The following TENM4 variants were observed in gnomAD, a reference collection of about 807,000 sequenced individuals.
The protein encoded by TENM4 is teneurin-4.
A neutral mutation model predicts 243.3 loss-of-function variants in TENM4; 82 were observed. That is an observed-to-expected ratio of 0.34 (90% CI 0.28 to 0.40). TENM4 has a LOEUF of 0.40. Ranked by LOEUF, TENM4 falls within the 10% of genes least tolerant of loss-of-function variation. TENM4 has a pLI of 1.00. For missense variants in TENM4, 3,138 were observed against 3,673.3 expected (o/e 0.85, Z 3.77); for synonymous variants, 1,412 against 1,456.3 (o/e 0.97, Z 0.69).
intron 3 of TENM4, among the ~76,000 whole-genome samples, chr11:79,200,373 T>G (rs1490696374): frequency 5.3e-5 from 8 of 152,198 alleles, no homozygotes; most frequent in Admixed American, 5.2e-4. Flanking sequence ...ATCTCCACTT[T>G]TAAAAGTCCA....
chr11:79,149,071 A>G (rs1392169192), intron 3 of TENM4, among the ~76,000 whole-genome samples: 1 of 152,194 alleles, frequency 6.6e-6, no homozygotes, highest in Non-Finnish European at 1.5e-5. Flanking sequence ...AGGATGGCTG[A>G]GAAAATGAGT....
chr11:78,751,770 T>A (rs948396), intron 19 of TENM4, among the ~76,000 whole-genome samples: 1 of 152,008 alleles, frequency 6.6e-6, no homozygotes, highest in African/African-American at 2.4e-5. Flanking sequence ...GCCCAGGAGA[T>A]GTCTCACGTT....
intron 1 of TENM4, among the ~76,000 whole-genome samples, chr11:79,307,606 C>A (rs1456406726): frequency 6.6e-6 from 1 of 152,158 alleles, no homozygotes; most frequent in African/African-American, 2.4e-5. Flanking sequence ...GAAGATGTGA[C>A]CCCAGCCCTG....
chr11:78,988,496 A>G (rs991987672), intron 6 of TENM4, among the ~76,000 whole-genome samples: 11 of 152,374 alleles, frequency 7.2e-5, no homozygotes, highest in African/African-American at 2.6e-4. Flanking sequence ...GGCCTATTTG[A>G]ATTCAATGGT....
At chr11:79,002,369 C>A (rs528070048) in intron 6 of TENM4, among the ~76,000 whole-genome samples, 1 of 152,224 alleles carries the variant, frequency 6.6e-6, no homozygotes, top group African/African-American at 2.4e-5. Context: ...TCCTGCTGCC[C>A]CTTCCCTGAT....
intron 6 of TENM4, among the ~76,000 whole-genome samples, chr11:78,939,644 CA>C (rs1005207869): frequency 2.0e-5 from 3 of 152,138 alleles, no homozygotes; most frequent in Admixed American, 6.5e-5. Context: ...GCAGCCTGTA[CA>C]AACTATTAGT....
At chr11:79,434,027 C>T (rs1167384249) in intron 1 of TENM4, among the ~76,000 whole-genome samples, 1 of 152,144 alleles carries the variant, frequency 6.6e-6, no homozygotes, top group Non-Finnish European at 1.5e-5. Flanking sequence ...GACTGGACTT[C>T]CCCCACTGGT....
Position 79,065,104 on chromosome 11 carries a change from T to C in TENM4, c.224-97A>G, listed in dbSNP as rs1056489659. 10 of 1,406,976 alleles carry C rather than the reference T, an allele frequency of 7.1e-6. No homozygotes were observed. The Admixed American group carries it at 3.2e-4, about 45-fold the overall frequency. The allele number at this position is 1,406,976 out of a possible 1,614,324, so 87.2% of individuals were successfully genotyped here. ...GGCCTTCTTACCCCAGGGCTCACTG[T>C]CGTTCTTTGAACTTGCTGTGGCATT... On this transcript the variant is annotated intron_variant, in intron 5 of 33. Coordinates refer to ENST00000278550, the MANE Select transcript of TENM4 (RefSeq NM_001098816.3).
At chr11:78,948,918 C>T (rs2136483679) in intron 6 of TENM4, among the ~76,000 whole-genome samples, 1 of 152,252 alleles carries the variant, frequency 6.6e-6, no homozygotes, top group South Asian at 2.1e-4. Context: ...ATGTTTTTGG[C>T]AAGTGTACCT....
chr11:79,242,478 G>A (rs935891212), intron 2 of TENM4, among the ~76,000 whole-genome samples: 6 of 152,192 alleles, frequency 3.9e-5, no homozygotes, highest in Admixed American at 2.0e-4. Context: ...TTGTGTGTGT[G>A]TTTTTCCTTC....
At chr11:78,973,273 G>A (rs911052548) in intron 6 of TENM4, among the ~76,000 whole-genome samples, 1 of 152,208 alleles carries the variant, frequency 6.6e-6, no homozygotes, top group African/African-American at 2.4e-5. Context: ...AAGTGGCTAT[G>A]TCATTTTAAA....
chr11:78,674,256 C>G (rs139102267), intron 30 of TENM4, among the ~76,000 whole-genome samples: 3 of 152,170 alleles, frequency 2.0e-5, no homozygotes, highest in African/African-American at 7.2e-5. Context: ...TAAAAAAGTT[C>G]CCAGTTGTAT....
At chr11:78,704,685 G>A (rs1035032321) in intron 27 of TENM4, among the ~76,000 whole-genome samples, 1 of 152,168 alleles carries the variant, frequency 6.6e-6, no homozygotes, top group African/African-American at 2.4e-5. Context: ...AGTGCTTGAG[G>A]GATGGCATAT....
intron 19 of TENM4, among the ~76,000 whole-genome samples, chr11:78,748,114 C>G (rs1565361765): frequency 1.3e-5 from 2 of 152,146 alleles, no homozygotes; most frequent in Admixed American, 1.3e-4. Context: ...CATTTTTCTC[C>G]CAGTTCTCAG....
At chr11:79,030,763 C>T (rs768809753) in intron 6 of TENM4, among the ~76,000 whole-genome samples, 4 of 152,142 alleles carry the variant, frequency 2.6e-5, no homozygotes, top group Non-Finnish European at 5.9e-5. Context: ...CCTCGGCAGA[C>T]CTCCTTAAAC....
chr11:78,701,746 C>G lies in TENM4; in HGVS notation c.4867G>C (p.Asp1623His). The change falls in exon 28 of 34, where the codon GAC becomes CAC. Residue 1623 changes from aspartate to histidine, a missense_variant. Around this residue, in one of 2 missense-constraint regions of TENM4, gnomAD observed 2,467 missense variants for 3,059.1 expected, o/e 0.81. Transcript: ENST00000278550. ...TGDGDITLIT[D>H]NNGNMVNVRR... The stretch of plus-strand genomic sequence containing the variant: ...ACATTTACCATGTTGCCATTGTTGT[C>G]TGTGATGAGTGTGATGTCGCCGTCC... 6.2e-7 allele frequency: 1 copy of G among 1,614,002 alleles called. No homozygotes were observed. Among genetic ancestry groups the G allele is most frequent in the Non-Finnish European group, 8.5e-7 (1 of 1,179,892 alleles).
At chr11:78,729,832 G>T (rs1325754358) in intron 21 of TENM4, among the ~76,000 whole-genome samples, 189 bp from the exon 22 acceptor site, 1 of 152,068 alleles carries the variant, frequency 6.6e-6, no homozygotes, top group African/African-American at 2.4e-5. Flanking sequence ...GCAGGAGGAG[G>T]AGGAGGAAGG....
chr11:79,295,779 T>TC (rs1349948822), intron 2 of TENM4, among the ~76,000 whole-genome samples: 2 of 151,966 alleles, frequency 1.3e-5, no homozygotes, highest in Non-Finnish European at 2.9e-5. Context: ...GTGATTGGCC[T>TC]CCCCTAGTAA....
intron 9 of TENM4, among the ~76,000 whole-genome samples, chr11:78,867,527 T>C (rs930008335): frequency 2.6e-5 from 4 of 152,226 alleles, no homozygotes; most frequent in Non-Finnish European, 5.9e-5. Context: ...AGTAGTTTGC[T>C]CTGCTCTCCT....
Sources: gnomAD v4.1 joint callset for allele counts (sites outside exome capture counted in the v4.1 genomes callset) on GRCh38, gnomAD v4.1.1 for gene constraint, gnomAD v4.1.1 regional missense constraint, MANE v1.5 for transcripts, NCBI Gene and HGNC (gene_info 2026-07-23, HGNC 2026-07-21) for gene names.